The following NTRK2 variants were observed in gnomAD, a reference collection of about 807,000 sequenced individuals.
The protein encoded by NTRK2 is BDNF/NT-3 growth factors receptor.
A neutral mutation model predicts 94.5 loss-of-function variants in NTRK2; 13 were observed. That is an observed-to-expected ratio of 0.14 (90% CI 0.09 to 0.22). The LOEUF (loss-of-function observed/expected upper bound fraction) is 0.22. NTRK2 is among the 10% of genes least tolerant of loss of function. NTRK2 has a pLI of 1.00. For missense variants in NTRK2, 639 were observed against 1,071.2 expected (o/e 0.60, Z 5.63); for synonymous variants, 372 against 407.4 (o/e 0.91, Z 1.05).
intron 14 of NTRK2, among the ~76,000 whole-genome samples, chr9:84,920,071 T>C (rs140208995): frequency 1.6e-4 from 24 of 152,320 alleles, no homozygotes; most frequent in African/African-American, 4.3e-4. Context: ...TCTAGGACGC[T>C]TTCCTCTGTG....
chr9:84,793,981 C>T (rs1482642773), intron 12 of NTRK2, among the ~76,000 whole-genome samples: 1 of 152,196 alleles, frequency 6.6e-6, no homozygotes, highest in East Asian at 1.9e-4. Flanking sequence ...AAAAACTGTG[C>T]TGACCTCTTC....
chr9:84,826,149 G>A (rs1188961780), intron 12 of NTRK2, among the ~76,000 whole-genome samples: 1 of 152,328 alleles, frequency 6.6e-6, no homozygotes, highest in African/African-American at 2.4e-5. Context: ...AAACGTGATG[G>A]TTTACAACAA....
chr9:84,830,310 A>G (rs900909631), intron 12 of NTRK2, among the ~76,000 whole-genome samples: 2 of 152,110 alleles, frequency 1.3e-5, no homozygotes, highest in African/African-American at 4.8e-5. Context: ...GTTGTGCACC[A>G]TCGTATCTCA....
chr9:84,846,781 C>T (rs759027476), intron 12 of NTRK2, among the ~76,000 whole-genome samples: 6 of 152,224 alleles, frequency 3.9e-5, no homozygotes, highest in Non-Finnish European at 8.8e-5. Context: ...ATGCAGGCTG[C>T]TGCCAGCGTA....
intron 9 of NTRK2, among the ~76,000 whole-genome samples, chr9:84,734,231 C>T (rs980472560): frequency 1.1e-4 from 17 of 152,140 alleles, no homozygotes; most frequent in African/African-American, 4.1e-4. Context: ...TCTGAAGTGC[C>T]GATGCAGTGC....
intron 14 of NTRK2, among the ~76,000 whole-genome samples, chr9:84,897,733 T>G (rs1209281097): frequency 1.3e-5 from 2 of 152,174 alleles, no homozygotes; most frequent in African/African-American, 4.8e-5. Context: ...AACCACTTCT[T>G]CAGGGCTGCT....
At chr9:84,795,208 C>A (rs757546967) in intron 12 of NTRK2, among the ~76,000 whole-genome samples, 2 of 152,196 alleles carry the variant, frequency 1.3e-5, no homozygotes, top group African/African-American at 2.4e-5. Context: ...AGCTTTCCTG[C>A]ATCTACTGAA....
At chr9:84,769,576 T>G (rs1327798936) in intron 12 of NTRK2, among the ~76,000 whole-genome samples, 1 of 151,984 alleles carries the variant, frequency 6.6e-6, no homozygotes, top group Non-Finnish European at 1.5e-5. Flanking sequence ...AATCTCAGAG[T>G]GGTGTTGTTG....
At chr9:84,776,154 G>C (rs996500134) in intron 12 of NTRK2, among the ~76,000 whole-genome samples, 1 of 106,180 alleles carries the variant, frequency 9.4e-6, no homozygotes, top group African/African-American at 3.2e-5. Flanking sequence ...GGTAGGTAGA[G>C]AGATAGATAT....
chr9:85,021,096 T>A (rs897960524), intron 18 of NTRK2, among the ~76,000 whole-genome samples, 156 bp from the exon 19 acceptor site: 5 of 152,194 alleles, frequency 3.3e-5, no homozygotes, highest in Admixed American at 3.3e-4. Context: ...CGATATAAAC[T>A]AACCTATAAT....
intron 17 of NTRK2, among the ~76,000 whole-genome samples, chr9:84,980,679 G>A (rs1327924182): frequency 6.6e-6 from 1 of 152,208 alleles, no homozygotes; most frequent in Non-Finnish European, 1.5e-5. Context: ...GCCAAGGCAG[G>A]AAGTCAACAG....
intron 9 of NTRK2, among the ~76,000 whole-genome samples, chr9:84,731,944 G>T (rs375965220): frequency 3.3e-5 from 5 of 152,128 alleles, no homozygotes; most frequent in African/African-American, 1.2e-4. Context: ...CCAAGCCAGC[G>T]CCCTTCCCCA....
At chr9:84,952,859 G>T (rs1306023175) in intron 16 of NTRK2, among the ~76,000 whole-genome samples, 1 of 152,186 alleles carries the variant, frequency 6.6e-6, no homozygotes, top group African/African-American at 2.4e-5. Flanking sequence ...GTGGCCTTTT[G>T]CACTGACATC....
chr9:84,747,293 G>T (rs892201451), intron 11 of NTRK2, among the ~76,000 whole-genome samples: 1 of 152,142 alleles, frequency 6.6e-6, no homozygotes, highest in Admixed American at 6.6e-5. Context: ...AAATACCATG[G>T]TAAGTCAACT....
At chr9:84,823,366 A>G (rs902310641) in intron 12 of NTRK2, among the ~76,000 whole-genome samples, 2 of 152,220 alleles carry the variant, frequency 1.3e-5, no homozygotes, top group East Asian at 3.9e-4. Context: ...AGTGTACATC[A>G]ATGCCTTGCC....
chr9:84,694,396 A>C (rs147034098), intron 2 of NTRK2, among the ~76,000 whole-genome samples: 1 of 152,340 alleles, frequency 6.6e-6, no homozygotes, highest in East Asian at 1.9e-4. Context: ...TGAAAGCTGA[A>C]AATGCCACTG....
chr9:84,993,073 T>C (rs1319797032), intron 17 of NTRK2, among the ~76,000 whole-genome samples: 2 of 152,064 alleles, frequency 1.3e-5, no homozygotes, highest in African/African-American at 4.8e-5. Context: ...TTTTCTTGGC[T>C]CCCTTGATAC....
At chr9:85,010,685 G>C (rs1831466941) in intron 17 of NTRK2, among the ~76,000 whole-genome samples, 1 of 152,124 alleles carries the variant, frequency 6.6e-6, no homozygotes, top group East Asian at 1.9e-4. Context: ...AGAACATGTT[G>C]TTACTATCTA....
chr9:85,005,860 T>C (rs1358561479), intron 17 of NTRK2, among the ~76,000 whole-genome samples: 1 of 152,194 alleles, frequency 6.6e-6, no homozygotes, highest in Non-Finnish European at 1.5e-5. Flanking sequence ...CCTCTGTTCT[T>C]TCCAGTCCCT....
Sources: allele counts gnomAD v4.1 joint callset (sites outside exome capture counted in the v4.1 genomes callset), GRCh38; gene constraint gnomAD v4.1.1; transcripts MANE v1.5; gene names NCBI Gene and HGNC (gene_info 2026-07-23, HGNC 2026-07-21).